The following MGAT4C variants were observed in gnomAD, a reference collection of about 807,000 sequenced individuals.
The protein encoded by MGAT4C is alpha-1,3-mannosyl-glycoprotein 4-beta-N-acetylglucosaminyltransferase C.
In MGAT4C, 19 loss-of-function variants were observed where a neutral mutation model predicts 40.1. The observed-to-expected ratio is 0.47, with a 90% CI of 0.33 to 0.70. The LOEUF (loss-of-function observed/expected upper bound fraction) is 0.70, where lower values mean the gene tolerates loss of function less well. Among genes scored for constraint, MGAT4C ranks in the 30% least tolerant of loss-of-function variants. The pLI, the probability that MGAT4C is intolerant of heterozygous loss-of-function variation, is 0.02. For missense variants in MGAT4C, 491 were observed against 563.2 expected (o/e 0.87, Z 1.30); for synonymous variants, 181 against 187.1 (o/e 0.97, Z 0.27).
intron 2 of MGAT4C, among the ~76,000 whole-genome samples, chr12:86,009,587 C>T (rs1012968468): frequency 3.9e-5 from 6 of 152,154 alleles, no homozygotes; most frequent in Non-Finnish European, 7.4e-5. Flanking sequence ...ATTTCCCACC[C>T]CATCCCCCCA....
At chr12:86,796,146 T>C (rs972060166) in intron 1 of MGAT4C, among the ~76,000 whole-genome samples, 3 of 151,540 alleles carry the variant, frequency 2.0e-5, no homozygotes, top group Non-Finnish European at 4.4e-5. Context: ...GTGACTTGTT[T>C]TTTTTTTTTC....
intron 1 of MGAT4C, among the ~76,000 whole-genome samples, chr12:86,782,397 G>A (rs1191005431): frequency 4.0e-5 from 6 of 151,752 alleles, no homozygotes; most frequent in African/African-American, 1.5e-4. Flanking sequence ...TAGCCAGGAT[G>A]GTCTCAATCT....
intron 2 of MGAT4C, among the ~76,000 whole-genome samples, chr12:86,507,664 G>A (rs1396993623): frequency 1.3e-5 from 2 of 152,150 alleles, no homozygotes; most frequent in East Asian, 1.9e-4. Flanking sequence ...ACTTTCAAAT[G>A]AGTAAGCAAG....
chr12:85,966,600 G>A lies in MGAT4C; in HGVS notation c.*12689C>T, dbSNP rs933470974. The A allele has an allele frequency of 2.6e-4, 39 of 152,170 alleles. No individual in the cohort carries two copies. The highest frequency in any genetic ancestry group is 4.9e-4 in the Non-Finnish European group (33 of 68,012). 9.4% of individuals were successfully genotyped at this position (152,170 alleles called of 1,614,324 possible). Reference sequence around the variant, plus strand: ...TGCTTCTATAAAGACACATGCACACGTATGTTTATTGCGGCACTATTCACA... The same window carrying A: ...TGCTTCTATAAAGACACATGCACACATATGTTTATTGCGGCACTATTCACA... On this transcript the variant is annotated 3_prime_UTR_variant, in exon 5 of 5. Transcript: ENST00000611864.
At chr12:86,441,672 T>C (rs900754901) in intron 2 of MGAT4C, among the ~76,000 whole-genome samples, 1 of 152,068 alleles carries the variant, frequency 6.6e-6, no homozygotes, top group Non-Finnish European at 1.5e-5. Flanking sequence ...ACAAAGGACA[T>C]GAACTCATCT....
chr12:86,631,019 C>T (rs1319627816), intron 2 of MGAT4C, among the ~76,000 whole-genome samples: 2 of 152,088 alleles, frequency 1.3e-5, no homozygotes, highest in Non-Finnish European at 2.9e-5. Flanking sequence ...CGTCTCAGCC[C>T]AAAATCTCCT....
chr12:86,836,625 C>CTAACATGAT (rs1953042016), intron 1 of MGAT4C, among the ~76,000 whole-genome samples: 1 of 152,004 alleles, frequency 6.6e-6, no homozygotes, highest in Admixed American at 6.6e-5. Flanking sequence ...GCAAGAGACA[C>CTAACATGAT]TAACATGATT....
chr12:86,467,518 C>A (rs1957698952), intron 2 of MGAT4C, among the ~76,000 whole-genome samples: 1 of 152,094 alleles, frequency 6.6e-6, no homozygotes, highest in South Asian at 2.1e-4. Flanking sequence ...ATTATATACA[C>A]ACACATACAC....
intron 4 of MGAT4C, among the ~76,000 whole-genome samples, chr12:86,312,742 AAAAC>A (rs1298825281): frequency 1.3e-5 from 2 of 152,256 alleles, no homozygotes; most frequent in African/African-American, 2.4e-5. Context: ...GTGTCAGAGA[AAAAC>A]AAACCTTTCA....
intron 2 of MGAT4C, among the ~76,000 whole-genome samples, chr12:86,589,158 A>G (rs931873009): frequency 1.2e-4 from 19 of 152,118 alleles, no homozygotes; most frequent in African/African-American, 3.9e-4. Context: ...ACCGCTGGCA[A>G]GACTAATAAA....
intron 1 of MGAT4C, among the ~76,000 whole-genome samples, chr12:86,779,505 G>A (rs1951799691): frequency 6.6e-6 from 1 of 152,060 alleles, no homozygotes; most frequent in Admixed American, 6.6e-5. Flanking sequence ...GGGAAGTGGA[G>A]GTGAGAGGGT....
intron 2 of MGAT4C, among the ~76,000 whole-genome samples, chr12:86,017,534 G>T (rs906444238): frequency 6.6e-6 from 1 of 152,032 alleles, no homozygotes; most frequent in African/African-American, 2.4e-5. Flanking sequence ...TCTTTTAACT[G>T]CTATAAGTAA....
chr12:86,668,796 G>A (rs376449015), intron 2 of MGAT4C, among the ~76,000 whole-genome samples: 31 of 152,290 alleles, frequency 2.0e-4, no homozygotes, highest in East Asian at 1.9e-3. Context: ...TGGTGGACTT[G>A]CTGCCAGATC....
chr12:86,314,353 G>A (rs1388224729), intron 4 of MGAT4C, among the ~76,000 whole-genome samples: 3 of 152,120 alleles, frequency 2.0e-5, no homozygotes, highest in South Asian at 2.1e-4. Flanking sequence ...TCAAGAGATC[G>A]AGACCATCCT....
At chr12:86,094,971 T>C (rs1162809578) in intron 1 of MGAT4C, among the ~76,000 whole-genome samples, 6 of 152,128 alleles carry the variant, frequency 3.9e-5, no homozygotes, top group Admixed American at 2.0e-4. Context: ...GCAAAAGCTG[T>C]GGTGGCAGAG....
intron 2 of MGAT4C, among the ~76,000 whole-genome samples, chr12:86,622,210 A>G (rs116576305): frequency 0.031 from 4,716 of 152,246 alleles, 124 homozygotes; most frequent in African/African-American, 0.074. Context: ...CATTCAGGGA[A>G]AGTGAAATAA....
At chr12:86,569,205 C>A (rs1036630507) in intron 2 of MGAT4C, among the ~76,000 whole-genome samples, 1 of 151,812 alleles carries the variant, frequency 6.6e-6, no homozygotes, top group East Asian at 1.9e-4. Flanking sequence ...ATACTGAAAA[C>A]CTTTGCACAG....
intron 2 of MGAT4C, among the ~76,000 whole-genome samples, chr12:86,625,364 A>T (rs1962770795): frequency 6.6e-6 from 1 of 152,236 alleles, no homozygotes; most frequent in Non-Finnish European, 1.5e-5. Flanking sequence ...AAAGAATTAT[A>T]GGAATATATG....
chr12:86,613,441 T>C (rs1031847354), intron 2 of MGAT4C, among the ~76,000 whole-genome samples: 2 of 152,134 alleles, frequency 1.3e-5, no homozygotes, highest in Admixed American at 6.5e-5. Context: ...ACTTAATTAG[T>C]CAGGAAGAAT....
Sources: allele counts gnomAD v4.1 joint callset (sites outside exome capture counted in the v4.1 genomes callset), GRCh38; gene constraint gnomAD v4.1.1; transcripts MANE v1.5; gene names NCBI Gene and HGNC (gene_info 2026-07-23, HGNC 2026-07-21).